Variants in ESF1 observed in about 807,000 individuals in gnomAD.
ESF1 encodes ESF1 homolog.
Under a neutral mutation model 92.0 loss-of-function variants are expected in ESF1, and 58 were observed. The ratio of observed to expected loss-of-function variants is 0.63; its 90% CI spans 0.51 to 0.78. The LOEUF is 0.78. ESF1 is among the 30% of genes least tolerant of loss of function. The probability of loss-of-function intolerance (pLI) is 0.00; values close to 1 mark genes in which losing one functional copy is unlikely to be tolerated. For synonymous variants in ESF1, 321 were observed against 313.7 expected, an observed-to-expected ratio of 1.02 and a Z score of -0.24; for missense variants, 922 against 989.1, an observed-to-expected ratio of 0.93 and a Z score of 0.91.
rs547015701 is a variant in ESF1 at position 13,758,478 on chromosome 20, T to G, written c.1828+1214A>C. ...CTAGCAAATTTACTACAATAGCCAGTGTCCATCCTAGCAAATTTACTACAA... is the reference window on the plus strand; with the variant it reads ...CTAGCAAATTTACTACAATAGCCAGGGTCCATCCTAGCAAATTTACTACAA... On this transcript the variant is annotated intron_variant, in intron 9 of 13. Transcript: ENST00000617257. Among the ~76,000 whole-genome samples, 6 of 152,354 alleles carry G rather than the reference T, an allele frequency of 3.9e-5. No homozygotes were observed. The East Asian group carries it at 1.2e-3, about 29-fold the overall frequency.
rs1980313300 is a variant in ESF1 at position 13,783,161 on chromosome 20, C to T, written c.-21G>A. 1.3e-6 allele frequency: 2 copies of T among 1,578,574 alleles called. No homozygotes were observed. Among genetic ancestry groups the T allele is most frequent in the African/African-American group, 1.4e-5 (1 of 73,462 alleles). On this transcript the variant is annotated 5_prime_UTR_variant, in exon 2 of 14. Coordinates refer to ENST00000617257, the MANE Select transcript of ESF1 (RefSeq NM_001276380.2). ...GACATTTTTAATTCTTAATCTCGAC[C>T]AAATGCTTGAAGAAAACAAATACTG...
At chr20:13,739,945 T>C (rs1395172109) in intron 9 of ESF1, among the ~76,000 whole-genome samples, 1 of 152,144 alleles carries the variant, frequency 6.6e-6, no homozygotes, top group Non-Finnish European at 1.5e-5. Flanking sequence ...GTGCTCTCAG[T>C]GGGTGATGTC....
At chr20:13,764,394 T>G (rs548650727) in intron 8 of ESF1, among the ~76,000 whole-genome samples, 4 of 152,264 alleles carry the variant, frequency 2.6e-5, no homozygotes, top group East Asian at 3.9e-4. Flanking sequence ...AAAAGGGTTT[T>G]GGGGCTTTAT....
At chr20:13,719,960 A>G (rs536979788) in intron 11 of ESF1, among the ~76,000 whole-genome samples, 1 of 152,328 alleles carries the variant, frequency 6.6e-6, no homozygotes, top group East Asian at 1.9e-4. Flanking sequence ...TTACCAGGCA[A>G]TACCACCAGG....
intron 9 of ESF1, among the ~76,000 whole-genome samples, chr20:13,759,267 G>A (rs118140780): frequency 0.014 from 2,073 of 152,148 alleles, 18 homozygotes; most frequent in Non-Finnish European, 0.023. Flanking sequence ...TTGACTATTC[G>A]CAGCAAGATT....
At chr20:13,729,963 C>G (rs926297763) in intron 10 of ESF1, among the ~76,000 whole-genome samples, 1 of 152,172 alleles carries the variant, frequency 6.6e-6, no homozygotes, top group African/African-American at 2.4e-5. Context: ...GTCATTTAAA[C>G]AAAAATATTT....
rs1244278671 is a variant in ESF1 at position 13,761,106 on chromosome 20, T to G, written c.1667-1253A>C. Among the ~76,000 whole-genome samples, 4 of 152,110 alleles carry G rather than the reference T, an allele frequency of 2.6e-5. No individual in the cohort carries two copies. In the East Asian group the frequency reaches 5.8e-4, roughly 22 times the overall value. On this transcript the variant is annotated intron_variant, in intron 8 of 13. Transcript: ENST00000617257. ...CCCCAACCCTGTGCTCTCTGAAACA[T>G]GTGCTGTGTCCACTCAGGGTTAAAT...
rs761887592 is a variant in ESF1, at chr20:13,782,487, A to G, written c.637+17T>C. ...AATAATGTAACACCCAAGAATCTCT[A>G]ATTTTTTCCAACCTACCTGATTGCA... On this transcript the variant is annotated intron_variant, in intron 2 of 13. Transcript: ENST00000617257. The G allele has an allele frequency of 4.7e-6, 7 of 1,488,774 alleles. No homozygotes were observed. The highest frequency in any genetic ancestry group is 1.5e-5 in the South Asian group (1 of 65,952). 92.2% of individuals were successfully genotyped at this position (1,488,774 alleles called of 1,614,324 possible).
At position 13,759,744 on chromosome 20, in the gene ESF1, T is replaced by A; in HGVS notation, c.1776A>T (p.Lys592Asn). The A allele has an allele frequency of 6.4e-7, 1 of 1,571,836 alleles. No individual in the cohort carries two copies. Among genetic ancestry groups the A allele is most frequent in the Non-Finnish European group, 8.6e-7 (1 of 1,168,638 alleles). ...YRQLLQVIQE[K>N]EKKGKENDME... ...TATCATTTTCTTTGCCTTTCTTTTC[T>A]TTTTCTTGAATAACCTGCAAGAGCT... is the stretch of plus-strand genomic sequence containing the variant. The change falls in exon 9 of 14, where the codon AAA (lysine) becomes AAT (asparagine). Residue 592 changes from lysine to asparagine, a missense_variant. Coordinates refer to ENST00000617257, the MANE Select transcript of ESF1 (RefSeq NM_001276380.2).
intron 7 of ESF1, among the ~76,000 whole-genome samples, chr20:13,768,407 A>G (rs574585361): frequency 6.6e-6 from 1 of 151,982 alleles, no homozygotes; most frequent in African/African-American, 2.4e-5. Flanking sequence ...ACATGGTGAA[A>G]CCCCGTCTGT....
intron 2 of ESF1, among the ~76,000 whole-genome samples, chr20:13,781,765 T>C (rs1287991534): frequency 6.6e-6 from 1 of 152,256 alleles, no homozygotes; most frequent in Admixed American, 6.5e-5. Flanking sequence ...GCCTTACTCA[T>C]ATTCTGCCTG....
At chr20:13,753,601 A>G (rs1375490301) in intron 9 of ESF1, among the ~76,000 whole-genome samples, 1 of 151,952 alleles carries the variant, frequency 6.6e-6, no homozygotes, top group African/African-American at 2.4e-5. Context: ...TGGTGACTTC[A>G]GTATCCACAC....
intron 9 of ESF1, among the ~76,000 whole-genome samples, chr20:13,758,471 T>C (rs1232862104): frequency 6.6e-6 from 1 of 152,214 alleles, no homozygotes; most frequent in Non-Finnish European, 1.5e-5. Context: ...TTTACTACAA[T>C]AGCCAGTGTC....
chr20:13,767,323 T>G (rs1267965329), intron 7 of ESF1, among the ~76,000 whole-genome samples: 1 of 152,090 alleles, frequency 6.6e-6, no homozygotes, highest in East Asian at 1.9e-4. Flanking sequence ...GGTCAGGAGT[T>G]CAAGACCAGC....
intron 11 of ESF1, 39 bp downstream of exon 11, chr20:13,728,339 T>C (rs2049915767): frequency 4.7e-6 from 7 of 1,494,318 alleles, no homozygotes; most frequent in Admixed American, 2.0e-5. Context: ...CCTTTTTCTT[T>C]AGATTCCAGT....
At chr20:13,740,839 T>C (rs1356376705) in intron 9 of ESF1, among the ~76,000 whole-genome samples, 2 of 152,200 alleles carry the variant, frequency 1.3e-5, no homozygotes, top group Non-Finnish European at 2.9e-5. Context: ...ACTTGTTCTT[T>C]AGTCACACTG....
intron 9 of ESF1, among the ~76,000 whole-genome samples, chr20:13,742,924 T>C (rs575412218): frequency 2.0e-5 from 3 of 152,328 alleles, no homozygotes; most frequent in East Asian, 3.9e-4. Flanking sequence ...TTTCTGTCTC[T>C]ATAGATTTCC....
intron 9 of ESF1, among the ~76,000 whole-genome samples, chr20:13,735,980 G>A (rs559852339): frequency 4.6e-5 from 7 of 152,226 alleles, no homozygotes; most frequent in Non-Finnish European, 1.0e-4. Context: ...CAATGTTCAG[G>A]AGGTTTATGA....
intron 8 of ESF1, among the ~76,000 whole-genome samples, chr20:13,762,079 G>GT (rs1435901084): frequency 2.6e-5 from 4 of 151,800 alleles, no homozygotes; most frequent in Non-Finnish European, 5.9e-5. Context: ...TTTTGTCCTT[G>GT]TATCTTTTTT....
Sources: gnomAD v4.1 joint callset for allele counts (sites outside exome capture counted in the v4.1 genomes callset) on GRCh38, gnomAD v4.1.1 for gene constraint, MANE v1.5 for transcripts, NCBI Gene and HGNC (gene_info 2026-07-23, HGNC 2026-07-21) for gene names.